The following ANGPT1 variants were observed in gnomAD, a reference collection of about 807,000 sequenced individuals.
ANGPT1 encodes the protein angiopoietin-1.
ANGPT1 carries 17 observed loss-of-function variants against 62.2 expected under a neutral mutation model. The observed-to-expected ratio is 0.27, with a 90% CI of 0.19 to 0.41. The LOEUF (loss-of-function observed/expected upper bound fraction) is 0.41. Among genes scored for constraint, ANGPT1 ranks in the 10% least tolerant of loss-of-function variants. The pLI, the probability that ANGPT1 is intolerant of heterozygous loss-of-function variation, is 1.00. For synonymous variants in ANGPT1, 199 were observed against 198.9 expected, an observed-to-expected ratio of 1.00 and a Z score of 0.00; for missense variants, 478 against 594.9, an observed-to-expected ratio of 0.80 and a Z score of 2.04.
At chr8:107,410,424 T>A (rs1817244354) in intron 1 of ANGPT1, among the ~76,000 whole-genome samples, 1 of 152,110 alleles carries the variant, frequency 6.6e-6, no homozygotes, top group African/African-American at 2.4e-5. Flanking sequence ...CAGGCCAACA[T>A]GCTAAAAGGC....
chr8:107,456,428 T>C (rs1811921246), intron 1 of ANGPT1, among the ~76,000 whole-genome samples: 1 of 152,074 alleles, frequency 6.6e-6, no homozygotes, highest in Non-Finnish European at 1.5e-5. Flanking sequence ...GAGAAGGTCA[T>C]AAGCGTTTTG....
At chr8:107,333,996 G>GGGAGGGACGGAAGGACGGAA (rs1242238074) in intron 3 of ANGPT1, among the ~76,000 whole-genome samples, 1 of 70,478 alleles carries the variant, frequency 1.4e-5, no homozygotes, top group Non-Finnish European at 2.9e-5. Context: ...GAGGGAGGGA[G>GGGAGGGACGGAAGGACGGAA]GGAAGGAAGG....
At chr8:107,468,263 A>T (rs946357759) in intron 1 of ANGPT1, among the ~76,000 whole-genome samples, 1 of 152,022 alleles carries the variant, frequency 6.6e-6, no homozygotes, top group Non-Finnish European at 1.5e-5. Context: ...TCCATTCAAC[A>T]TTTGGGGTTA....
intron 7 of ANGPT1, among the ~76,000 whole-genome samples, chr8:107,265,738 G>A (rs1208084663): frequency 1.3e-5 from 2 of 152,260 alleles, no homozygotes; most frequent in East Asian, 1.9e-4. Flanking sequence ...CTCTGTATGA[G>A]TGAGACACTC....
chr8:107,318,478 C>T (rs530711925), intron 4 of ANGPT1, among the ~76,000 whole-genome samples: 70 of 152,176 alleles, frequency 4.6e-4, no homozygotes, highest in African/African-American at 1.6e-3. Context: ...GCCAACACTT[C>T]CTAGGAATTC....
chr8:107,496,073 A>G (rs1435291472), intron 1 of ANGPT1, among the ~76,000 whole-genome samples: 1 of 152,194 alleles, frequency 6.6e-6, no homozygotes, highest in Non-Finnish European at 1.5e-5. Flanking sequence ...CCACACAGGA[A>G]CAAAATAGAG....
intron 8 of ANGPT1, among the ~76,000 whole-genome samples, chr8:107,260,331 GA>G (rs1813462768): frequency 6.6e-6 from 1 of 151,930 alleles, no homozygotes; most frequent in Non-Finnish European, 1.5e-5. Flanking sequence ...AGAAACAAAG[GA>G]AAAATATATA....
chr8:107,380,239 A>C (rs1816608643), intron 1 of ANGPT1, among the ~76,000 whole-genome samples: 1 of 152,114 alleles, frequency 6.6e-6, no homozygotes. Context: ...CCTGTGTGGT[A>C]ATGGACTATT....
chr8:107,269,747 T>G (rs932176191), intron 7 of ANGPT1, among the ~76,000 whole-genome samples: 13 of 152,014 alleles, frequency 8.6e-5, no homozygotes, highest in South Asian at 4.1e-4. Flanking sequence ...AGAATCTAAT[T>G]TGATGTGACC....
intron 1 of ANGPT1, among the ~76,000 whole-genome samples, chr8:107,354,985 G>A (rs914033488): frequency 4.0e-5 from 6 of 149,640 alleles, no homozygotes; most frequent in Non-Finnish European, 8.9e-5. Context: ...ATCTCAGCTC[G>A]CTGCAACCTT....
chr8:107,477,976 G>A (rs1812577094), intron 1 of ANGPT1, among the ~76,000 whole-genome samples: 1 of 150,818 alleles, frequency 6.6e-6, no homozygotes, highest in Non-Finnish European at 1.5e-5. Context: ...AAAGTAAATT[G>A]AGAGCTGGTC....
intron 1 of ANGPT1, among the ~76,000 whole-genome samples, chr8:107,480,272 T>C (rs1032026100): frequency 1.2e-4 from 18 of 152,198 alleles, no homozygotes; most frequent in Admixed American, 8.5e-4. Flanking sequence ...ACATTTGTAC[T>C]AACTTGTAAC....
intron 1 of ANGPT1, among the ~76,000 whole-genome samples, chr8:107,494,083 T>C (rs1443198153): frequency 6.6e-6 from 1 of 152,094 alleles, no homozygotes; most frequent in Non-Finnish European, 1.5e-5. Flanking sequence ...ACTATTGTTT[T>C]CTGTTACAAG....
rs1814943129 is a variant in ANGPT1, at chr8:107,313,773, A to G, written c.808+8123T>C. 2.0e-5 allele frequency among the ~76,000 whole-genome samples: 3 copies of G among 152,092 alleles called. No homozygotes were observed. The South Asian group carries it at 6.2e-4, about 32-fold the overall frequency. On this transcript the variant is annotated intron_variant, in intron 4 of 8. Transcript: ENST00000517746. ...GTTACTAGTTTTAAAGATTCTTTGCAATTGACTTTTAGAAAATCTTATGCT... is the reference window on the plus strand; with the variant it reads ...GTTACTAGTTTTAAAGATTCTTTGCGATTGACTTTTAGAAAATCTTATGCT...
chr8:107,459,236 T>G (rs181925674), intron 1 of ANGPT1, among the ~76,000 whole-genome samples: 1 of 152,242 alleles, frequency 6.6e-6, no homozygotes, highest in East Asian at 1.9e-4. Flanking sequence ...TGAAAAATTT[T>G]CAGTCAATAA....
At chr8:107,354,389 C>T (rs923417006) in intron 1 of ANGPT1, among the ~76,000 whole-genome samples, 3 of 152,040 alleles carry the variant, frequency 2.0e-5, no homozygotes, top group African/African-American at 4.8e-5. Context: ...TTGATATACT[C>T]CATGAATTTG....
intron 1 of ANGPT1, among the ~76,000 whole-genome samples, chr8:107,423,816 C>T (rs913600299): frequency 3.6e-5 from 5 of 138,442 alleles, no homozygotes; most frequent in African/African-American, 1.3e-4. Flanking sequence ...GGTACCTTTT[C>T]CTTTTCCTTT....
At chr8:107,413,283 C>T (rs1330765514) in intron 1 of ANGPT1, among the ~76,000 whole-genome samples, 1 of 152,120 alleles carries the variant, frequency 6.6e-6, no homozygotes, top group Non-Finnish European at 1.5e-5. Context: ...AACTCTTCTT[C>T]CTGGTCCCCT....
intron 1 of ANGPT1, among the ~76,000 whole-genome samples, chr8:107,386,370 A>G (rs891472188): frequency 1.2e-4 from 18 of 152,146 alleles, no homozygotes; most frequent in African/African-American, 2.9e-4. Flanking sequence ...ACAAACCTGC[A>G]TGTTGTACAC....
Sources: allele counts gnomAD v4.1 joint callset (sites outside exome capture counted in the v4.1 genomes callset), GRCh38; gene constraint gnomAD v4.1.1; transcripts MANE v1.5; gene names NCBI Gene and HGNC (gene_info 2026-07-23, HGNC 2026-07-21).